SUCLG2: variants seen among roughly 807,000 people sequenced by gnomAD.
The protein encoded by SUCLG2 is succinate-CoA ligase GDP-forming subunit beta, also known as succinate--CoA ligase [GDP-forming] subunit beta, mitochondrial.
Under a neutral mutation model 47.9 loss-of-function variants are expected in SUCLG2, and 42 were observed. The ratio of observed to expected loss-of-function variants is 0.88; its 90% CI spans 0.69 to 1.14. The LOEUF (loss-of-function observed/expected upper bound fraction) is 1.14. Among genes scored for constraint, SUCLG2 ranks in the 50% most tolerant of loss-of-function variants. The pLI is 0.00. For missense variants in SUCLG2, 571 were observed against 525.9 expected (o/e 1.09, Z -0.84); for synonymous variants, 195 against 197.3 (o/e 0.99, Z 0.10).
chr3:67,538,808 C>T (rs1706618076), intron 2 of SUCLG2, among the ~76,000 whole-genome samples: 1 of 152,076 alleles, frequency 6.6e-6, no homozygotes, highest in Non-Finnish European at 1.5e-5. Context: ...GTATTTTATT[C>T]CCTTTGTAGC....
intron 2 of SUCLG2, among the ~76,000 whole-genome samples, chr3:67,573,990 C>G (rs893813612): frequency 2.6e-5 from 4 of 152,144 alleles, no homozygotes; most frequent in African/African-American, 9.7e-5. Context: ...AATTCAGTTC[C>G]TGGGCTTGTA....
chr3:67,393,350 C>G (rs1033559937), intron 10 of SUCLG2, among the ~76,000 whole-genome samples: 33 of 152,246 alleles, frequency 2.2e-4, no homozygotes, highest in African/African-American at 7.5e-4. Flanking sequence ...GCTTAAAAAA[C>G]GGCGCACCAG....
chr3:67,475,863 C>G (rs1704738003), intron 9 of SUCLG2, among the ~76,000 whole-genome samples: 1 of 151,952 alleles, frequency 6.6e-6, no homozygotes, highest in Admixed American at 6.6e-5. Context: ...AAAAATGTTT[C>G]CCTTTTGCAA....
intron 10 of SUCLG2, among the ~76,000 whole-genome samples, chr3:67,397,213 G>T (rs1351428141): frequency 6.6e-6 from 1 of 152,106 alleles, no homozygotes; most frequent in Admixed American, 6.5e-5. Context: ...TATTCAATTA[G>T]GAAAAGAGGA....
intron 2 of SUCLG2, among the ~76,000 whole-genome samples, chr3:67,582,651 T>G (rs1203180638): frequency 2.0e-5 from 3 of 152,148 alleles, no homozygotes; most frequent in Non-Finnish European, 4.4e-5. Context: ...GATTGCTGGT[T>G]GAAAGGTAGT....
At chr3:67,505,223 TGAGAAAGAAGCCAATTTG>T (rs918944068) in intron 7 of SUCLG2, among the ~76,000 whole-genome samples, 13 of 152,142 alleles carry the variant, frequency 8.5e-5, no homozygotes, top group Non-Finnish European at 1.6e-4. Context: ...AGAGCCTGGC[TGAGAAAGAAGCCAATTTG>T]GAGGCAAGCA....
At chr3:67,402,400 TA>T (rs1702705532) in intron 9 of SUCLG2, among the ~76,000 whole-genome samples, 2 of 152,164 alleles carry the variant, frequency 1.3e-5, no homozygotes. Context: ...AACAAAAAGG[TA>T]ATGCCTTAAG....
chr3:67,567,672 T>C (rs191128872), intron 2 of SUCLG2, among the ~76,000 whole-genome samples: 3 of 152,336 alleles, frequency 2.0e-5, no homozygotes, highest in Non-Finnish European at 4.4e-5. Context: ...TTCCCACTTA[T>C]ACAGAAAAAC....
At chr3:67,468,693 C>T (rs905835528) in intron 9 of SUCLG2, among the ~76,000 whole-genome samples, 4 of 152,138 alleles carry the variant, frequency 2.6e-5, no homozygotes. Flanking sequence ...GCTCGGGCTC[C>T]ATCCACCAAT....
rs189199302 is a variant in SUCLG2, at chr3:67,548,035, A to G, written c.227-18849T>C. 4.0e-3 allele frequency among the ~76,000 whole-genome samples: 605 copies of G among 152,296 alleles called. 5 individuals carry two copies. The highest frequency in any genetic ancestry group is 0.01 in the Middle Eastern group (3 of 294). On this transcript the variant is annotated intron_variant, in intron 2 of 10. Transcript: ENST00000307227. ...CTCAGCATACGGTCATTCATTCACA[A>G]TCATCACTTCCTTTACTCTATGAAA... is the stretch of plus-strand genomic sequence containing the variant.
intron 10 of SUCLG2, among the ~76,000 whole-genome samples, chr3:67,383,333 C>G (rs1044890776): frequency 6.6e-6 from 1 of 152,170 alleles, no homozygotes; most frequent in African/African-American, 2.4e-5. Flanking sequence ...GATTTTAAAC[C>G]CGGTTCTGTT....
chr3:67,537,478 A>G (rs758120947), intron 2 of SUCLG2, among the ~76,000 whole-genome samples: 3 of 152,208 alleles, frequency 2.0e-5, no homozygotes, highest in Non-Finnish European at 4.4e-5. Flanking sequence ...ACTGATGGGC[A>G]TTTGGGTTGG....
intron 9 of SUCLG2, among the ~76,000 whole-genome samples, chr3:67,428,604 C>T (rs976545509): frequency 1.3e-5 from 2 of 152,172 alleles, no homozygotes; most frequent in African/African-American, 2.4e-5. Flanking sequence ...ATGACTTTGA[C>T]GACTTAAGAG....
At chr3:67,458,224 C>A (rs1704236957) in intron 9 of SUCLG2, among the ~76,000 whole-genome samples, 1 of 152,102 alleles carries the variant, frequency 6.6e-6, no homozygotes, top group Non-Finnish European at 1.5e-5. Flanking sequence ...ATTGCTAAAT[C>A]ATAAGAAAAT....
At chr3:67,421,335 C>T (rs1409188864) in intron 9 of SUCLG2, among the ~76,000 whole-genome samples, 1 of 152,168 alleles carries the variant, frequency 6.6e-6, no homozygotes, top group Non-Finnish European at 1.5e-5. Context: ...CACACGCTAA[C>T]AGAGTCCTTT....
In SUCLG2 at chr3:67,518,303, T is replaced by C; in HGVS notation, c.604A>G (p.Ser202Gly). The change falls in exon 6 of 11, where the codon AGC (serine) becomes GGC (glycine). Residue 202 changes from serine to glycine, a missense_variant. Transcript: ENST00000307227. ...QIDIFEGIKDSQAQRMAENLG... is the reference protein window; with the variant it reads ...QIDIFEGIKDGQAQRMAENLG... ...TTTTCGGCCATCCGCTGAGCTTGGC[T>C]GTCCTTTATTCCTTCAAAAATGTCA... The C allele has an allele frequency of 3.7e-6, 6 of 1,612,592 alleles. No individual in the cohort carries two copies. The highest frequency in any genetic ancestry group is 5.1e-6 in the Non-Finnish European group (6 of 1,179,088).
intron 9 of SUCLG2, among the ~76,000 whole-genome samples, chr3:67,450,460 G>A (rs1704029931): frequency 6.6e-6 from 1 of 152,220 alleles, no homozygotes; most frequent in Admixed American, 6.5e-5. Flanking sequence ...TTCTGGAATT[G>A]AAAAAGAACT....
At chr3:67,384,174 A>G (rs1702214460) in intron 10 of SUCLG2, among the ~76,000 whole-genome samples, 1 of 152,098 alleles carries the variant, frequency 6.6e-6, no homozygotes, top group Admixed American at 6.5e-5. Flanking sequence ...CATTGCTAAT[A>G]TTTTCCTTGG....
intron 2 of SUCLG2, among the ~76,000 whole-genome samples, chr3:67,544,358 G>C (rs1706806111): frequency 6.6e-6 from 1 of 152,104 alleles, no homozygotes; most frequent in Non-Finnish European, 1.5e-5. Context: ...GGATCATGGG[G>C]ATGATTTCCT....
Sources: allele counts gnomAD v4.1 joint callset (sites outside exome capture counted in the v4.1 genomes callset), GRCh38; gene constraint gnomAD v4.1.1; transcripts MANE v1.5; gene names NCBI Gene and HGNC (gene_info 2026-07-23, HGNC 2026-07-21).